Variants in CADPS observed in about 807,000 individuals in gnomAD.
CADPS encodes the protein calcium-dependent secretion activator 1.
In CADPS, 57 loss-of-function variants were observed where a neutral mutation model predicts 167.3. The ratio of observed to expected loss-of-function variants is 0.34; its 90% CI spans 0.28 to 0.42. The LOEUF is 0.42. Ranked by LOEUF, CADPS falls within the 20% of genes least tolerant of loss-of-function variation. The probability of loss-of-function intolerance (pLI) is 1.00; values close to 1 mark genes in which losing one functional copy is unlikely to be tolerated. For synonymous variants in CADPS, 676 were observed against 635.3 expected (o/e 1.06, Z -0.96); for missense variants, 1,414 against 1,738.1 (o/e 0.81, Z 3.32).
chr3:62,603,993 A>AT (rs11426162), intron 6 of CADPS, among the ~76,000 whole-genome samples: 26,499 of 147,560 alleles, frequency 0.18, 2,339 homozygotes, highest in Middle Eastern at 0.27. Flanking sequence ...CGCCCGGCTA[A>AT]TTTTTTTTTT....
chr3:62,718,118 TC>T (rs1294372892), intron 3 of CADPS, among the ~76,000 whole-genome samples: 2 of 152,160 alleles, frequency 1.3e-5, no homozygotes. Context: ...TTTACTTATT[TC>T]ATAGCCCTTA....
chr3:62,580,009 C>T (rs558657345), intron 8 of CADPS, among the ~76,000 whole-genome samples: 15 of 152,162 alleles, frequency 9.9e-5, no homozygotes, highest in African/African-American at 2.4e-4. Flanking sequence ...AATTTGATGA[C>T]GGCCAGGTTT....
chr3:62,496,212 A>G (rs911485640), intron 18 of CADPS, among the ~76,000 whole-genome samples: 1 of 151,934 alleles, frequency 6.6e-6, no homozygotes, highest in African/African-American at 2.4e-5. Flanking sequence ...TACCTCTTCC[A>G]CTGTACTCCA....
chr3:62,494,416 G>A (rs141881761), intron 18 of CADPS, among the ~76,000 whole-genome samples: 119 of 152,276 alleles, frequency 7.8e-4, no homozygotes, highest in African/African-American at 2.8e-3. Context: ...CATCAATCCT[G>A]ATTCCAGACA....
chr3:62,769,342 G>A (rs1051380253), intron 1 of CADPS, among the ~76,000 whole-genome samples: 8 of 151,352 alleles, frequency 5.3e-5, no homozygotes, highest in East Asian at 2.0e-4. Flanking sequence ...AGTGATTCTC[G>A]TGCCTCAGCT....
intron 1 of CADPS, among the ~76,000 whole-genome samples, chr3:62,855,608 T>A (rs1414278504): frequency 3.9e-5 from 6 of 152,148 alleles, no homozygotes; most frequent in Non-Finnish European, 8.8e-5. Flanking sequence ...TTTTTTAAAA[T>A]TATGGTTAAC....
chr3:62,491,558 A>ACACACAAAC, intron 20 of CADPS, 78 bp from the exon 21 acceptor site: 1 of 525,508 alleles, frequency 1.9e-6, no homozygotes, highest in Non-Finnish European at 3.2e-6. Context: ...CACACACACA[A>ACACACAAAC]ACACACACAC....
intron 3 of CADPS, among the ~76,000 whole-genome samples, chr3:62,666,874 G>C (rs2074518570): frequency 6.6e-6 from 1 of 152,166 alleles, no homozygotes; most frequent in African/African-American, 2.4e-5. Flanking sequence ...GCAGGGTGGA[G>C]TTGCACCCTT....
intron 1 of CADPS, among the ~76,000 whole-genome samples, chr3:62,767,714 C>G (rs2087280907): frequency 6.6e-6 from 1 of 152,000 alleles, no homozygotes; most frequent in East Asian, 1.9e-4. Flanking sequence ...AGAAATTTAT[C>G]AGACTCATAT....
intron 11 of CADPS, among the ~76,000 whole-genome samples, chr3:62,547,444 C>T (rs1273370830): frequency 6.6e-6 from 1 of 152,094 alleles, no homozygotes; most frequent in African/African-American, 2.4e-5. Context: ...AACTCCCGTT[C>T]CTCGGCAGTA....
intron 3 of CADPS, among the ~76,000 whole-genome samples, chr3:62,743,460 A>C (rs981080363): frequency 3.3e-5 from 5 of 152,202 alleles, no homozygotes; most frequent in Non-Finnish European, 5.9e-5. Flanking sequence ...TTATTAACTG[A>C]AAAGCTTTGC....
rs533125699 is a variant in CADPS at position 62,812,687 on chromosome 3, T to G, written c.442-46703A>C. On this transcript the variant is annotated intron_variant, in intron 1 of 29. Transcript: ENST00000383710. The stretch of plus-strand genomic sequence containing the variant: ...GAGCAATTAAATGGTTCAAAATGCA[T>G]CCTCTCTATCTTCTGAAAGAAAGCT... 2.0e-5 allele frequency among the ~76,000 whole-genome samples: 3 copies of G among 152,318 alleles called. 1 individual carries two copies. The South Asian group carries it at 6.2e-4, about 32-fold the overall frequency.
intron 18 of CADPS, among the ~76,000 whole-genome samples, chr3:62,497,029 C>G (rs2064920625): frequency 6.6e-6 from 1 of 152,112 alleles, no homozygotes; most frequent in Non-Finnish European, 1.5e-5. Context: ...GATGTCTACT[C>G]TATTTAATTT....
chr3:62,442,360 G>A lies in CADPS; in HGVS notation c.3669+3405C>T, dbSNP rs563447991. On this transcript the variant is annotated intron_variant, in intron 27 of 29. Coordinates refer to ENST00000383710, the MANE Select transcript of CADPS (RefSeq NM_003716.4). ...TCTGGAGGAGGTAGCTGGGATTACAGGTGCACGCCACCACACCCGGCTAAT... is the reference window on the plus strand; with the variant it reads ...TCTGGAGGAGGTAGCTGGGATTACAAGTGCACGCCACCACACCCGGCTAAT... Among the ~76,000 whole-genome samples the A allele has an allele frequency of 1.9e-4, 29 of 152,086 alleles. 1 individual carries two copies. In the South Asian group the frequency reaches 6.0e-3, roughly 32 times the overall value.
intron 7 of CADPS, among the ~76,000 whole-genome samples, chr3:62,589,152 G>A (rs2085349706): frequency 6.6e-6 from 1 of 152,164 alleles, no homozygotes; most frequent in Non-Finnish European, 1.5e-5. Context: ...ATAAGTAAAT[G>A]TAACGCCAGG....
rs1399164419 is a variant in CADPS at position 62,874,063 on chromosome 3, C to A, written c.441+526G>T. Among the ~76,000 whole-genome samples the A allele has an allele frequency of 6.6e-6, 1 of 152,166 alleles. No homozygotes were observed. Among genetic ancestry groups the A allele is most frequent in the African/African-American group, 2.4e-5 (1 of 41,448 alleles). On this transcript the variant is annotated intron_variant, in intron 1 of 29. Transcript: ENST00000383710. The surrounding 1 kb of genome is among the most constrained non-coding windows in gnomAD (Gnocchi z 7.1). Reference sequence around the variant, plus strand: ...GCTTGCTTTCTCCCGCCTGCCCCTGCGGTTGCTCTCTGCCCCAGCGAGCGG... The same window carrying A: ...GCTTGCTTTCTCCCGCCTGCCCCTGAGGTTGCTCTCTGCCCCAGCGAGCGG...
At chr3:62,556,366 CTAAT>C (rs1333234208) in intron 10 of CADPS, among the ~76,000 whole-genome samples, 1 of 152,166 alleles carries the variant, frequency 6.6e-6, no homozygotes. Context: ...TCTGCAGGTG[CTAAT>C]TTTACTAAGT....
chr3:62,584,503 C>T (rs1004517883), intron 8 of CADPS, among the ~76,000 whole-genome samples: 14 of 152,182 alleles, frequency 9.2e-5, no homozygotes, highest in East Asian at 1.9e-4. Context: ...CAGAGTTACA[C>T]GATTATCATG....
chr3:62,636,469 C>A (rs1355041771), intron 6 of CADPS, among the ~76,000 whole-genome samples: 2 of 152,150 alleles, frequency 1.3e-5, no homozygotes, highest in Non-Finnish European at 2.9e-5. Context: ...ACCAAGGAAC[C>A]CAGGTGACTC....
Sources: gnomAD v4.1 joint callset for allele counts (sites outside exome capture counted in the v4.1 genomes callset) on GRCh38, gnomAD v4.1.1 for gene constraint, Gnocchi (gnomAD v3.1) non-coding constraint, MANE v1.5 for transcripts, NCBI Gene and HGNC (gene_info 2026-07-23, HGNC 2026-07-21) for gene names.